The following ARHGAP10 variants were observed in gnomAD, a reference collection of about 807,000 sequenced individuals.
The protein encoded by ARHGAP10 is rho GTPase-activating protein 10.
Under a neutral mutation model 108.6 loss-of-function variants are expected in ARHGAP10, and 87 were observed. That is an observed-to-expected ratio of 0.80 (90% CI 0.67 to 0.96). ARHGAP10 has a LOEUF of 0.96. Ranked by LOEUF, ARHGAP10 falls within the 40% of genes least tolerant of loss-of-function variation. The pLI is 0.00. For missense variants in ARHGAP10, 939 were observed against 954.5 expected, an observed-to-expected ratio of 0.98 and a Z score of 0.21; for synonymous variants, 347 against 341.1, an observed-to-expected ratio of 1.02 and a Z score of -0.19.
chr4:147,874,671 A>G (rs980599041), intron 7 of ARHGAP10, among the ~76,000 whole-genome samples: 11 of 152,248 alleles, frequency 7.2e-5, no homozygotes, highest in African/African-American at 2.7e-4. Flanking sequence ...AGGTAGCTAT[A>G]TTAAAACCTA....
chr4:147,876,775 C>T (rs1478587489), intron 8 of ARHGAP10, among the ~76,000 whole-genome samples: 1 of 152,162 alleles, frequency 6.6e-6, no homozygotes. Context: ...ATTCTTTCCT[C>T]ATTTACTGTA....
At chr4:148,064,597 T>C (rs1729779777) in intron 22 of ARHGAP10, 90 bp downstream of exon 22, 2 of 1,205,808 alleles carry the variant, frequency 1.7e-6, no homozygotes, top group Admixed American at 1.9e-5. Flanking sequence ...ATGGTGCTGT[T>C]GTCGGGAGGG....
In ARHGAP10 at chr4:147,966,921, TTCTC is replaced by T. The variant is rs997484903; in HGVS notation, c.1716+90_1716+93del. The T allele has an allele frequency of 2.2e-5, 27 of 1,227,920 alleles. No homozygotes were observed. The African/African-American group carries it at 2.6e-4, about 12-fold the overall frequency. The allele number at this position is 1,227,920 out of a possible 1,614,324, so 76.1% of individuals were successfully genotyped here. ...ACAACGATCCTCTTAGATTTCCCTT[TTCTC>T]TCTCTCTGTTTAAAAAAATTCTTTC... On this transcript the variant is annotated intron_variant, in intron 18 of 22. Transcript: ENST00000336498.
At chr4:147,931,204 C>T (rs1460171244) in intron 13 of ARHGAP10, among the ~76,000 whole-genome samples, 3 of 151,976 alleles carry the variant, frequency 2.0e-5, no homozygotes, top group Non-Finnish European at 4.4e-5. Context: ...TTACCTTATC[C>T]ATTTTGCCCA....
At position 148,023,305 on chromosome 4, in the gene ARHGAP10, T is replaced by G; in HGVS notation, c.1759T>G (p.Cys587Gly). 1 of 1,614,188 alleles carries G rather than the reference T, an allele frequency of 6.2e-7. No homozygotes were observed. The highest frequency in any genetic ancestry group is 2.2e-5 in the East Asian group (1 of 44,890). ...PPDTTFPEPT[C>G]LSASPPNAPP... is the part of the protein sequence containing the mutation. ...CGATACTACATTCCCTGAGCCCACC[T>G]GCCTGTCAGCATCACCCCCAAATGC... Residue 587 changes from cysteine (C) to glycine (G), a missense_variant, in exon 19 of 23, where the codon TGC becomes GGC. Coordinates refer to ENST00000336498, the MANE Select transcript of ARHGAP10 (RefSeq NM_024605.4).
At chr4:148,042,476 A>C (rs899807768) in intron 19 of ARHGAP10, among the ~76,000 whole-genome samples, 5 of 152,210 alleles carry the variant, frequency 3.3e-5, no homozygotes, top group Non-Finnish European at 7.4e-5. Context: ...AAATGGCCAC[A>C]TGCTCTCCTG....
chr4:147,890,283 C>G (rs921493971), intron 10 of ARHGAP10, among the ~76,000 whole-genome samples: 11 of 70,114 alleles, frequency 1.6e-4, no homozygotes, highest in Non-Finnish European at 5.7e-4. Context: ...GCTCAGCTAG[C>G]CATTACTACT....
At chr4:147,919,270 G>A (rs767862379) in intron 13 of ARHGAP10, among the ~76,000 whole-genome samples, 1 of 152,070 alleles carries the variant, frequency 6.6e-6, no homozygotes, top group Non-Finnish European at 1.5e-5. Context: ...TGGTAGGACT[G>A]GCAGTTACTT....
At chr4:147,779,938 G>A (rs1730461298) in intron 1 of ARHGAP10, among the ~76,000 whole-genome samples, 1 of 152,148 alleles carries the variant, frequency 6.6e-6, no homozygotes, top group Non-Finnish European at 1.5e-5. Flanking sequence ...CACCCTTATA[G>A]TCTTGCCCGA....
At chr4:147,993,561 G>C (rs988173881) in intron 18 of ARHGAP10, among the ~76,000 whole-genome samples, 3 of 152,196 alleles carry the variant, frequency 2.0e-5, no homozygotes, top group African/African-American at 7.2e-5. Context: ...TATTTAGTGA[G>C]AAAGTCAGCT....
intron 1 of ARHGAP10, among the ~76,000 whole-genome samples, chr4:147,786,639 C>T (rs1454074989): frequency 6.6e-6 from 1 of 152,108 alleles, no homozygotes; most frequent in Non-Finnish European, 1.5e-5. Context: ...TAACTTAAAG[C>T]ATTGGTAAAT....
chr4:147,732,458 A>C lies in ARHGAP10; in HGVS notation c.154+3A>C, dbSNP rs1224008735. ...GAACCTCATCGCTGCGACGAAAAGT[A>C]AGCGGGGACGCGGGCGCGGACGGGC... On this transcript the variant is annotated splice_donor_region_variant and intron_variant, in intron 1 of 22. Transcript: ENST00000336498. The C allele has an allele frequency of 6.2e-7, 1 of 1,609,584 alleles. No homozygotes were observed. The highest frequency in any genetic ancestry group is 8.5e-7 in the Non-Finnish European group (1 of 1,177,874).
chr4:147,782,710 G>A (rs1234225873), intron 1 of ARHGAP10: 1 of 152,080 alleles, frequency 6.6e-6, no homozygotes, highest in East Asian at 2.0e-4. Context: ...TTGTTCTGAG[G>A]GGTCAGACCA....
chr4:147,769,117 A>G (rs373710174), intron 1 of ARHGAP10, among the ~76,000 whole-genome samples: 2 of 152,194 alleles, frequency 1.3e-5, no homozygotes, highest in African/African-American at 2.4e-5. Context: ...TATTGCTCTC[A>G]GGAACTGGAT....
intron 1 of ARHGAP10, among the ~76,000 whole-genome samples, chr4:147,787,209 G>T (rs985949817): frequency 4.6e-5 from 7 of 152,274 alleles, no homozygotes; most frequent in African/African-American, 1.4e-4. Context: ...GGGAGGATCA[G>T]GTGTGACATT....
intron 15 of ARHGAP10, among the ~76,000 whole-genome samples, chr4:147,952,753 T>C (rs1480282019): frequency 6.6e-6 from 1 of 152,158 alleles, no homozygotes; most frequent in Non-Finnish European, 1.5e-5. Flanking sequence ...AGTTTTAATT[T>C]TGATGAAGTC....
rs577734640 is a variant in ARHGAP10, at chr4:147,983,503, C to CTT, written c.1716+16676_1716+16677dup. 7.9e-3 allele frequency among the ~76,000 whole-genome samples: 1,129 copies of CTT among 142,384 alleles called. 17 individuals are homozygous for CTT. Among genetic ancestry groups the CTT allele is most frequent in the African/African-American group, 0.027 (1,041 of 39,172 alleles). 93.4% of individuals were successfully genotyped at this position (142,384 alleles called of 152,430 possible). ...CTCGGCCTGTTCATTTTTTAAAATT[C>CTT]TTTTTTTTTTTTTCAAATTTTTGTC... On this transcript the variant is annotated intron_variant, in intron 18 of 22. Transcript: ENST00000336498.
chr4:147,853,346 A>G (rs1733952206), intron 4 of ARHGAP10, among the ~76,000 whole-genome samples: 1 of 152,252 alleles, frequency 6.6e-6, no homozygotes, highest in Non-Finnish European at 1.5e-5. Context: ...ATGCTATTCA[A>G]GGACCTGCCA....
intron 15 of ARHGAP10, among the ~76,000 whole-genome samples, chr4:147,953,206 G>A (rs867415179): frequency 3.7e-4 from 56 of 152,064 alleles, no homozygotes; most frequent in Middle Eastern, 3.4e-3. Flanking sequence ...GTTCATGAGT[G>A]ATATTGGTCT....
Sources: gnomAD v4.1 joint callset for allele counts (sites outside exome capture counted in the v4.1 genomes callset) on GRCh38, gnomAD v4.1.1 for gene constraint, MANE v1.5 for transcripts, NCBI Gene and HGNC (gene_info 2026-07-23, HGNC 2026-07-21) for gene names.